The following UEVLD variants were observed in gnomAD, a reference collection of about 807,000 sequenced individuals.
The protein encoded by UEVLD is UEV and lactate/malate dehyrogenase domains.
UEVLD carries 47 observed loss-of-function variants against 58.6 expected under a neutral mutation model. The observed-to-expected ratio is 0.80, with a 90% confidence interval of 0.63 to 1.02. The LOEUF (loss-of-function observed/expected upper bound fraction) is 1.02. Among genes scored for constraint, UEVLD ranks in the 50% least tolerant of loss-of-function variants. The pLI is 0.00. For synonymous variants in UEVLD, 197 were observed against 195.3 expected (o/e 1.01, Z -0.07); for missense variants, 510 against 550.6 (o/e 0.93, Z 0.74).
At chr11:18,537,417 C>T (rs1047021602) in intron 9 of UEVLD, among the ~76,000 whole-genome samples, 5 of 149,904 alleles carry the variant, frequency 3.3e-5, no homozygotes, top group Admixed American at 6.7e-5. Flanking sequence ...CTGCAACCTC[C>T]GCCTCCCGGT....
chr11:18,545,529 C>T (rs892858831), intron 8 of UEVLD, among the ~76,000 whole-genome samples: 1 of 152,176 alleles, frequency 6.6e-6, no homozygotes, highest in African/African-American at 2.4e-5. Flanking sequence ...ACTGCAACCT[C>T]TGCCTCCCAG....
In UEVLD at chr11:18,532,161, G is replaced by C; in HGVS notation, c.*159C>G. 1.7e-6 allele frequency: 1 copy of C among 594,420 alleles called. No individual in the cohort carries two copies. 36.8% of individuals were successfully genotyped at this position (594,420 alleles called of 1,614,324 possible). A position where few individuals can be genotyped will look rare whatever the true frequency, so the allele number is the denominator to read the frequency against. ...TCCCCTCCTTGTATAACTCCTTAAG[G>C]ATTTACATCACAAAGCTAATCAAGA... On this transcript the variant is annotated 3_prime_UTR_variant, in exon 12 of 12. Transcript: ENST00000396197.
At chr11:18,581,033 G>A (rs1384560749) in intron 1 of UEVLD, among the ~76,000 whole-genome samples, 1 of 151,866 alleles carries the variant, frequency 6.6e-6, no homozygotes, top group East Asian at 1.9e-4. Context: ...ATGGTGGCAG[G>A]CGACTATAAT....
Position 18,530,509 on chromosome 11 carries a change from A to C in UEVLD, c.*1811T>G, listed in dbSNP as rs1339528533. ...TTACTAGGATGTGTCTGCCCTTATA[A>C]ACCCTCCTAACTCCATCTGGATTAA... On this transcript the variant is annotated 3_prime_UTR_variant, in exon 12 of 12. Coordinates refer to ENST00000396197, the MANE Select transcript of UEVLD (RefSeq NM_001040697.4). 1 of 152,124 alleles carries C rather than the reference A, an allele frequency of 6.6e-6. No homozygotes were observed. Among genetic ancestry groups the C allele is most frequent in the Non-Finnish European group, 1.5e-5 (1 of 68,004 alleles). 9.4% of individuals were successfully genotyped at this position (152,124 alleles called of 1,614,324 possible). A position where few individuals can be genotyped will look rare whatever the true frequency, so the allele number is the denominator to read the frequency against.
intron 7 of UEVLD, among the ~76,000 whole-genome samples, chr11:18,553,713 G>T (rs972897362): frequency 6.6e-6 from 1 of 152,180 alleles, no homozygotes; most frequent in Non-Finnish European, 1.5e-5. Flanking sequence ...CCACAACATG[G>T]ATGTACCTTG....
At position 18,565,992 on chromosome 11, in the gene UEVLD, G is replaced by A. The variant is rs529415684; in HGVS notation, c.493+355C>T. On this transcript the variant is annotated intron_variant, in intron 5 of 11. Transcript: ENST00000396197. ...CAGCTCACTGCAACCTCTGCCTCCC[G>A]GATTCAAGCAATTTTCCCACCTCAG... 4.9e-3 allele frequency among the ~76,000 whole-genome samples: 726 copies of A among 147,356 alleles called. 6 individuals are homozygous for A. Among genetic ancestry groups the A allele is most frequent in the African/African-American group, 0.017 (700 of 40,240 alleles).
intron 3 of UEVLD, 65 bp from the exon 4 acceptor site, chr11:18,570,442 G>C: frequency 7.1e-7 from 1 of 1,410,284 alleles, no homozygotes; most frequent in Non-Finnish European, 9.3e-7. Context: ...GATATAGCTA[G>C]GCGGCATTTT....
chr11:18,579,413 A>C (rs1467425239), intron 1 of UEVLD: 1 of 983,334 alleles, frequency 1.0e-6, no homozygotes, highest in Non-Finnish European at 1.2e-6. Flanking sequence ...TCTAAATCAA[A>C]CTGCCTCCAA....
chr11:18,560,964 T>C (rs1164124652), intron 6 of UEVLD, among the ~76,000 whole-genome samples: 1 of 151,536 alleles, frequency 6.6e-6, no homozygotes, highest in East Asian at 1.9e-4. Flanking sequence ...TGAGTGGAGA[T>C]TGCGCCATTG....
intron 3 of UEVLD, among the ~76,000 whole-genome samples, chr11:18,571,280 T>C (rs1343807828): frequency 2.6e-5 from 4 of 151,778 alleles, no homozygotes; most frequent in African/African-American, 9.7e-5. Flanking sequence ...TCAGGAGGCA[T>C]AGGTTGCAGT....
At chr11:18,537,887 T>TCCTTAC (rs1443856621) in intron 9 of UEVLD, among the ~76,000 whole-genome samples, 1 of 152,178 alleles carries the variant, frequency 6.6e-6, no homozygotes, top group African/African-American at 2.4e-5. Context: ...GGTCTTGAAC[T>TCCTTAC]CCTTACCTCA....
intron 6 of UEVLD, among the ~76,000 whole-genome samples, chr11:18,561,752 A>T (rs1852045053): frequency 6.6e-6 from 1 of 151,276 alleles, no homozygotes; most frequent in Admixed American, 6.6e-5. Flanking sequence ...AATCACTTGA[A>T]CCCAGGAGGC....
Position 18,544,865 on chromosome 11 carries a change from T to C in UEVLD, c.887-69A>G, listed in dbSNP as rs1590319867. On this transcript the variant is annotated intron_variant, in intron 8 of 11. Coordinates refer to ENST00000396197, the MANE Select transcript of UEVLD (RefSeq NM_001040697.4). The stretch of plus-strand genomic sequence containing the variant: ...ATATACTTCTAGCCTAGCTCACAAA[T>C]ATTTATTATTTTAATAAGTATATTA... 9 of 1,197,112 alleles carry C rather than the reference T, an allele frequency of 7.5e-6. No homozygotes were observed. In the East Asian group the frequency reaches 2.4e-4, roughly 32 times the overall value. The allele number at this position is 1,197,112 out of a possible 1,614,324, so 74.2% of individuals were successfully genotyped here.
chr11:18,552,524 G>A (rs1328677021), intron 7 of UEVLD, among the ~76,000 whole-genome samples: 1 of 151,592 alleles, frequency 6.6e-6, no homozygotes, highest in Non-Finnish European at 1.5e-5. Flanking sequence ...TCTAGCCTGA[G>A]CAACCGAGCG....
At chr11:18,577,877 A>AC (rs1853009756) in intron 2 of UEVLD, among the ~76,000 whole-genome samples, 1 of 151,482 alleles carries the variant, frequency 6.6e-6, no homozygotes, top group Admixed American at 6.6e-5. Context: ...ATCTCAAAAA[A>AC]AAAAAAAAAA....
intron 7 of UEVLD, among the ~76,000 whole-genome samples, chr11:18,548,454 T>C (rs767259965): frequency 6.6e-6 from 1 of 152,106 alleles, no homozygotes; most frequent in Non-Finnish European, 1.5e-5. Flanking sequence ...GAAATGGAGT[T>C]TCGCTCTTGT....
At chr11:18,555,864 G>T (rs1347927364) in intron 7 of UEVLD, among the ~76,000 whole-genome samples, 1 of 152,030 alleles carries the variant, frequency 6.6e-6, no homozygotes, top group East Asian at 1.9e-4. Flanking sequence ...TGGGAGGATC[G>T]CTTGAACCCA....
At chr11:18,566,288 T>A in intron 5 of UEVLD, 59 bp downstream of exon 5, 1 of 1,598,648 alleles carries the variant, frequency 6.3e-7, no homozygotes, top group Non-Finnish European at 8.5e-7. Context: ...GTAAAGGAGT[T>A]TAGTGAGAAA....
intron 11 of UEVLD, 87 bp downstream of exon 11, chr11:18,534,243 G>C: frequency 9.6e-7 from 1 of 1,037,324 alleles, no homozygotes; most frequent in Non-Finnish European, 1.3e-6. Context: ...AGACACCTGG[G>C]GTTAGAGTAT....
Sources: gnomAD v4.1 joint callset for allele counts (sites outside exome capture counted in the v4.1 genomes callset) on GRCh38, gnomAD v4.1.1 for gene constraint, MANE v1.5 for transcripts, NCBI Gene and HGNC (gene_info 2026-07-23, HGNC 2026-07-21) for gene names.